TSHR: variants seen among roughly 807,000 people sequenced by gnomAD.
TSHR encodes thyroid stimulating hormone receptor.
A neutral mutation model predicts 64.1 loss-of-function variants in TSHR; 51 were observed. That is an observed-to-expected ratio of 0.80 (90% CI 0.64 to 1.01). TSHR has a LOEUF of 1.01. TSHR is among the 50% of genes least tolerant of loss of function. TSHR has a pLI of 0.00. For synonymous variants in TSHR, 361 were observed against 361.9 expected (o/e 1.00, Z 0.03); for missense variants, 877 against 942.8 (o/e 0.93, Z 0.91).
intron 8 of TSHR, among the ~76,000 whole-genome samples, chr14:81,116,764 T>G (rs1202865506): frequency 1.3e-5 from 2 of 150,462 alleles, no homozygotes; most frequent in East Asian, 4.0e-4. Flanking sequence ...TATTCCAAAA[T>G]TGACCACATA....
intron 6 of TSHR, among the ~76,000 whole-genome samples, chr14:81,096,295 G>A (rs1225285222): frequency 6.6e-6 from 1 of 152,116 alleles, no homozygotes; most frequent in Admixed American, 6.5e-5. Flanking sequence ...CTCCACTATT[G>A]ACATTGGGTT....
intron 7 of TSHR, chr14:81,104,624 C>A (rs1595120779): frequency 2.0e-6 from 2 of 985,424 alleles, no homozygotes; most frequent in Non-Finnish European, 2.4e-6. Context: ...ACGAGTGAGT[C>A]CAACAGAAAA....
rs77074657 is a variant in TSHR at position 81,004,957 on chromosome 14, C to T, written c.170+49107C>T. 4.8e-3 allele frequency among the ~76,000 whole-genome samples: 734 copies of T among 152,250 alleles called. 21 individuals carry two copies. In the East Asian group the frequency reaches 0.056, roughly 12 times the overall value. ...CCTGGGAAATATAATATGAGGAAGG[C>T]ACTGTTAGGAATCCCCACCTTAAGG... On this transcript the variant is annotated intron_variant, in intron 1 of 9. Transcript: ENST00000298171.
intron 1 of TSHR, among the ~76,000 whole-genome samples, chr14:81,045,175 C>T (rs1412791199): frequency 6.6e-6 from 1 of 152,160 alleles, no homozygotes; most frequent in East Asian, 1.9e-4. Context: ...CATGTTCTCA[C>T]TTATAAGTAG....
intron 1 of TSHR, among the ~76,000 whole-genome samples, chr14:81,028,323 G>T (rs531758527): frequency 6.6e-6 from 1 of 151,954 alleles, no homozygotes; most frequent in African/African-American, 2.4e-5. Context: ...AAATTTAATC[G>T]CAAAATAGTA....
chr14:81,063,649 T>C (rs1341962028), intron 2 of TSHR, among the ~76,000 whole-genome samples: 1 of 152,166 alleles, frequency 6.6e-6, no homozygotes, highest in Non-Finnish European at 1.5e-5. Context: ...ACTTCATTCA[T>C]TCAACAGATA....
chr14:81,060,508 T>C (rs1324362168), intron 1 of TSHR, among the ~76,000 whole-genome samples: 1 of 152,174 alleles, frequency 6.6e-6, no homozygotes, highest in Non-Finnish European at 1.5e-5. Flanking sequence ...GTTGCAGATT[T>C]ACTCTTTTGA....
intron 3 of TSHR, among the ~76,000 whole-genome samples, chr14:81,084,364 T>TG (rs201975786): frequency 6.6e-6 from 1 of 152,080 alleles, no homozygotes. Context: ...TACTTTTTTT[T>TG]ATTTAGATAA....
At position 80,985,957 on chromosome 14, in the gene TSHR, T is replaced by G. The variant is rs541909181; in HGVS notation, c.170+30107T>G. On this transcript the variant is annotated intron_variant, in intron 1 of 9. Coordinates refer to ENST00000298171, the MANE Select transcript of TSHR (RefSeq NM_000369.5). Reference sequence around the variant, plus strand: ...TCTTCCTGTCACATGTGCTGACATCTCTTCTTACCTCGTGTCAGCATTAAA... The same window carrying G: ...TCTTCCTGTCACATGTGCTGACATCGCTTCTTACCTCGTGTCAGCATTAAA... 7.2e-5 allele frequency among the ~76,000 whole-genome samples: 11 copies of G among 152,322 alleles called. No homozygotes were observed. The South Asian group carries it at 2.3e-3, about 32-fold the overall frequency.
intron 3 of TSHR, among the ~76,000 whole-genome samples, chr14:81,071,862 T>C (rs1330796611): frequency 6.6e-6 from 1 of 152,242 alleles, no homozygotes; most frequent in Non-Finnish European, 1.5e-5. Context: ...TTTGTTTGAA[T>C]TTCCCTTTCA....
intron 1 of TSHR, among the ~76,000 whole-genome samples, chr14:81,023,646 G>A (rs541114050): frequency 6.6e-6 from 1 of 152,228 alleles, no homozygotes; most frequent in East Asian, 1.9e-4. Flanking sequence ...CCTGACTTGA[G>A]GGACAAAGCA....
At chr14:81,122,429 A>G (rs982797220) in intron 8 of TSHR, among the ~76,000 whole-genome samples, 11 of 151,690 alleles carry the variant, frequency 7.3e-5, no homozygotes, top group African/African-American at 2.7e-4. Context: ...AAAAAGAGAG[A>G]GACAGATGGA....
chr14:81,099,960 T>C lies in TSHR; in HGVS notation c.614+3253T>C, dbSNP rs145776390. ...TATTATCTTATGACCAGCCATAAAA[T>C]TAGACACAGAGTATCAAAGGAGTTT... On this transcript the variant is annotated intron_variant, in intron 7 of 9. Coordinates refer to ENST00000298171, the MANE Select transcript of TSHR (RefSeq NM_000369.5). 1.4e-4 allele frequency among the ~76,000 whole-genome samples: 21 copies of C among 152,250 alleles called. 1 individual carries two copies. The East Asian group carries it at 3.7e-3, about 27-fold the overall frequency.
intron 3 of TSHR, chr14:81,068,576 C>G: frequency 2.1e-6 from 1 of 470,574 alleles, no homozygotes; most frequent in Non-Finnish European, 3.9e-6. Flanking sequence ...TGTTCTATTA[C>G]TACTGTGTCA....
At chr14:81,048,539 G>C (rs773980397) in intron 1 of TSHR, among the ~76,000 whole-genome samples, 3 of 152,146 alleles carry the variant, frequency 2.0e-5, no homozygotes, top group African/African-American at 4.8e-5. Flanking sequence ...GATGTCAAAG[G>C]CTGGTTCCTA....
chr14:81,123,246 A>AAG (rs1890881837), intron 8 of TSHR, among the ~76,000 whole-genome samples: 1 of 152,240 alleles, frequency 6.6e-6, no homozygotes, highest in African/African-American at 2.4e-5. Flanking sequence ...ATGAACAAAG[A>AAG]AGAGTCCAGT....
At chr14:80,967,186 GTATA>G (rs3038162) in intron 1 of TSHR, among the ~76,000 whole-genome samples, 81,968 of 143,966 alleles carry the variant, frequency 0.57, 24,707 homozygotes, top group East Asian at 0.79. Flanking sequence ...ATATGTATGT[GTATA>G]TATATATATA....
rs774463039 is a variant in TSHR at position 81,144,122 on chromosome 14, T to G, written c.2064T>G (p.Asp688Glu). 1 of 1,614,174 alleles carries G rather than the reference T, an allele frequency of 6.2e-7. No homozygotes were observed. Among genetic ancestry groups the G allele is most frequent in the South Asian group, 1.1e-5 (1 of 91,088 alleles). ...YAIFTKAFQR[D>E]VFILLSKFGI... ...TTTTCACCAAGGCCTTCCAGAGGGA[T>G]GTGTTCATCCTACTCAGCAAGTTTG... Residue 688 changes from aspartate (D) to glutamate (E), a missense_variant, in exon 10 of 10, where the codon GAT becomes GAG. Transcript: ENST00000298171.
intron 1 of TSHR, among the ~76,000 whole-genome samples, chr14:81,028,097 T>C (rs1253903847): frequency 6.6e-6 from 1 of 152,142 alleles, no homozygotes; most frequent in Non-Finnish European, 1.5e-5. Context: ...AGAGAGACCT[T>C]ACGATACATA....
Sources: allele counts gnomAD v4.1 joint callset (sites outside exome capture counted in the v4.1 genomes callset), GRCh38; gene constraint gnomAD v4.1.1; transcripts MANE v1.5; gene names NCBI Gene and HGNC (gene_info 2026-07-23, HGNC 2026-07-21).